SCAPER: variants seen among roughly 807,000 people sequenced by gnomAD.
The protein encoded by SCAPER is S-phase cyclin A associated protein in the ER.
A neutral mutation model predicts 182.2 loss-of-function variants in SCAPER; 98 were observed. The observed-to-expected ratio is 0.54, with a 90% CI of 0.46 to 0.64. The LOEUF (loss-of-function observed/expected upper bound fraction) is 0.64. Ranked by LOEUF, SCAPER falls within the 30% of genes least tolerant of loss-of-function variation. SCAPER has a pLI of 0.00. For synonymous variants in SCAPER, 605 were observed against 564.6 expected, an observed-to-expected ratio of 1.07 and a Z score of -1.01; for missense variants, 1,432 against 1,690.0, an observed-to-expected ratio of 0.85 and a Z score of 2.68.
At chr15:76,662,785 C>T (rs1007274176) in intron 21 of SCAPER, among the ~76,000 whole-genome samples, 6 of 151,996 alleles carry the variant, frequency 3.9e-5, no homozygotes, top group Admixed American at 1.3e-4. Flanking sequence ...TGGACCCATA[C>T]TTTATATCAT....
chr15:76,873,104 A>AT (rs1288625627), intron 2 of SCAPER, among the ~76,000 whole-genome samples: 13 of 151,096 alleles, frequency 8.6e-5, no homozygotes, highest in Non-Finnish European at 1.8e-4. Context: ...AAAAAAAAAA[A>AT]TTAAGCCAGG....
At chr15:76,574,610 G>C (rs1041754018) in intron 22 of SCAPER, among the ~76,000 whole-genome samples, 2 of 152,146 alleles carry the variant, frequency 1.3e-5, no homozygotes, top group Non-Finnish European at 2.9e-5. Context: ...CAGAGGATGA[G>C]AGCAGAGAAA....
At chr15:76,795,474 A>C in intron 7 of SCAPER, 34 bp from the exon 8 acceptor site, 1 of 1,406,410 alleles carries the variant, frequency 7.1e-7, no homozygotes, top group Non-Finnish European at 9.3e-7. Context: ...TAATAAATTA[A>C]ATATAAAAGA....
chr15:76,563,954 A>G (rs944748936), intron 23 of SCAPER, among the ~76,000 whole-genome samples: 1 of 152,242 alleles, frequency 6.6e-6, no homozygotes, highest in African/African-American at 2.4e-5. Context: ...GGCTTTTGAT[A>G]AAATTCAACA....
At chr15:76,352,203 T>C (rs1158172915) in intron 30 of SCAPER, among the ~76,000 whole-genome samples, 1 of 152,200 alleles carries the variant, frequency 6.6e-6, no homozygotes, top group African/African-American at 2.4e-5. Flanking sequence ...CTAGCTCCTT[T>C]TCCTGCCTTA....
intron 20 of SCAPER, among the ~76,000 whole-genome samples, chr15:76,697,519 C>T (rs1281734908): frequency 6.6e-6 from 1 of 152,124 alleles, no homozygotes; most frequent in Non-Finnish European, 1.5e-5. Flanking sequence ...CCTTTTCTCA[C>T]TGAAATAAAA....
intron 22 of SCAPER, among the ~76,000 whole-genome samples, chr15:76,609,515 C>T (rs2050787247): frequency 6.6e-6 from 1 of 152,084 alleles, no homozygotes; most frequent in African/African-American, 2.4e-5. Context: ...AAAAAATTAT[C>T]TCCCAGCTTA....
intron 21 of SCAPER, 128 bp downstream of exon 21, chr15:76,665,525 C>G: frequency 9.0e-7 from 1 of 1,109,444 alleles, no homozygotes; most frequent in East Asian, 2.7e-5. Flanking sequence ...ATAAATTAGG[C>G]TCATCAGTGT....
intron 27 of SCAPER, among the ~76,000 whole-genome samples, chr15:76,404,210 G>A (rs776467753): frequency 3.9e-5 from 6 of 152,012 alleles, no homozygotes; most frequent in Admixed American, 2.0e-4. Context: ...TGTTTCCTTC[G>A]ATGACTGAAG....
At chr15:76,652,653 G>A (rs2055270185) in intron 21 of SCAPER, among the ~76,000 whole-genome samples, 1 of 151,050 alleles carries the variant, frequency 6.6e-6, no homozygotes, top group Non-Finnish European at 1.5e-5. Context: ...AGAGGTTTCA[G>A]TGAGCCAAGA....
chr15:76,509,241 T>C (rs891372132), intron 23 of SCAPER, among the ~76,000 whole-genome samples: 1 of 152,172 alleles, frequency 6.6e-6, no homozygotes, highest in East Asian at 1.9e-4. Flanking sequence ...AAAAGAACAT[T>C]TGCTCCTTTA....
At chr15:76,556,473 G>A (rs1364975912) in intron 23 of SCAPER, among the ~76,000 whole-genome samples, 1 of 152,098 alleles carries the variant, frequency 6.6e-6, no homozygotes, top group Non-Finnish European at 1.5e-5. Flanking sequence ...ACAATTGCTA[G>A]ATCACTAGCT....
Position 76,404,645 on chromosome 15 carries a change from A to C in SCAPER, c.3346T>G (p.Cys1116Gly). The C allele has an allele frequency of 6.2e-7, 1 of 1,613,096 alleles. No individual in the cohort carries two copies. The highest frequency in any genetic ancestry group is 8.5e-7 in the Non-Finnish European group (1 of 1,179,690). The change falls in exon 27 of 32, where the codon TGT (cysteine) becomes GGT (glycine). Residue 1116 changes from cysteine to glycine, a missense_variant. This residue lies in a region of SCAPER where 718 missense variants were observed against 799.7 expected (regional missense o/e 0.90). Transcript: ENST00000563290. Reference protein sequence around the residue: ...VVNMGLIDKLCACFLSVQGPV... With the variant: ...VVNMGLIDKLGACFLSVQGPV... ...CCTTGCACCGAGAGGAAGCAGGCACACAGTTTGTCAATCAGACCCATGTTC... is the reference window on the plus strand; with the variant it reads ...CCTTGCACCGAGAGGAAGCAGGCACCCAGTTTGTCAATCAGACCCATGTTC...
intron 5 of SCAPER, among the ~76,000 whole-genome samples, chr15:76,829,004 C>T (rs1286112737): frequency 2.0e-5 from 3 of 152,186 alleles, no homozygotes; most frequent in Non-Finnish European, 4.4e-5. Flanking sequence ...ACATCATGCA[C>T]ATGCATGTTT....
chr15:76,457,142 A>G (rs563632697), intron 25 of SCAPER, among the ~76,000 whole-genome samples: 2 of 151,684 alleles, frequency 1.3e-5, no homozygotes, highest in African/African-American at 2.4e-5. Flanking sequence ...GGCTCGCCGC[A>G]ACCTCCGCCT....
intron 18 of SCAPER, among the ~76,000 whole-genome samples, chr15:76,705,119 C>T (rs1212901082): frequency 1.3e-5 from 2 of 152,036 alleles, no homozygotes; most frequent in Non-Finnish European, 2.9e-5. Context: ...CGGCACTATT[C>T]ACAATAGCAA....
At chr15:76,845,793 C>T (rs936781410) in intron 4 of SCAPER, among the ~76,000 whole-genome samples, 17 of 152,054 alleles carry the variant, frequency 1.1e-4, no homozygotes, top group African/African-American at 3.6e-4. Context: ...AGATTCAATA[C>T]AATCCCTATC....
intron 23 of SCAPER, among the ~76,000 whole-genome samples, chr15:76,529,646 T>C (rs2043475399): frequency 6.6e-6 from 1 of 152,174 alleles, no homozygotes; most frequent in Admixed American, 6.5e-5. Flanking sequence ...GAAAAAGTCA[T>C]GCAACTATCT....
rs1247048757 is a variant in SCAPER, at chr15:76,652,043, T to C, written c.2645+13610A>G. Among the ~76,000 whole-genome samples, 4 of 150,958 alleles carry C rather than the reference T, an allele frequency of 2.6e-5. No individual in the cohort carries two copies. The East Asian group carries it at 7.8e-4, about 29-fold the overall frequency. On this transcript the variant is annotated intron_variant, in intron 21 of 31. Coordinates refer to ENST00000563290, the MANE Select transcript of SCAPER (RefSeq NM_020843.4). ...AATTCCATATAACCATCTAAATAGA[T>C]GCAGTGGAAGCATTTGATAAAATCC...
Sources: gnomAD v4.1 joint callset for allele counts (sites outside exome capture counted in the v4.1 genomes callset) on GRCh38, gnomAD v4.1.1 for gene constraint, gnomAD v4.1.1 regional missense constraint, MANE v1.5 for transcripts, NCBI Gene and HGNC (gene_info 2026-07-23, HGNC 2026-07-21) for gene names.